The following RTTN variants were observed in gnomAD, a reference collection of about 807,000 sequenced individuals.
RTTN encodes rotatin.
Under a neutral mutation model 269.2 loss-of-function variants are expected in RTTN, and 182 were observed. The observed-to-expected ratio is 0.68, with a 90% CI of 0.60 to 0.76. The LOEUF (loss-of-function observed/expected upper bound fraction) is 0.76, where lower values mean the gene tolerates loss of function less well. Among genes scored for constraint, RTTN ranks in the 30% least tolerant of loss-of-function variants. The pLI, the probability that RTTN is intolerant of heterozygous loss-of-function variation, is 0.00. For missense variants in RTTN, 2,545 were observed against 2,608.6 expected, an observed-to-expected ratio of 0.98 and a Z score of 0.53; for synonymous variants, 1,006 against 963.5, an observed-to-expected ratio of 1.04 and a Z score of -0.82.
chr18:70,204,174 A>G lies in RTTN; in HGVS notation c.309T>C (p.Ala103=), dbSNP rs554154376. Residue 103 remains alanine, a synonymous_variant, in exon 3 of 49, where the codon GCT becomes GCC. Transcript: ENST00000640769. ...GTCCATCCAGAATGCCATCAATTTC[A>G]GCCTGCAGATTTGGCTCCACATTAG... The part of the protein sequence containing the change: ...LRSNVEPNLQ[A]EIDGILDGLF... 9.5e-5 allele frequency: 153 copies of G among 1,614,136 alleles called. 2 individuals are homozygous for G. The highest frequency in any genetic ancestry group is 5.8e-4 in the South Asian group (53 of 91,084).
Position 70,030,897 on chromosome 18 carries a change from C to T in RTTN, c.5626G>A (p.Ala1876Thr), listed in dbSNP as rs763809812. Residue 1876 changes from alanine to threonine, a missense_variant, in exon 41 of 49, where the codon GCA (alanine) becomes ACA (threonine). Ala to Thr is a moderately conservative substitution (Grantham distance 58). Coordinates refer to ENST00000640769, the MANE Select transcript of RTTN (RefSeq NM_173630.4). ...LMSLLAVSRR[A>T]QKHALKANLI... is the part of the protein sequence containing the mutation. Reference sequence around the variant, plus strand: ...TCACCTTTCAAAGCATGTTTCTGTGCTCTTCTACTGACAGCCAGCAGTGAC... The same window carrying T: ...TCACCTTTCAAAGCATGTTTCTGTGTTCTTCTACTGACAGCCAGCAGTGAC... 8 of 1,613,272 alleles carry T rather than the reference C, an allele frequency of 5.0e-6. No homozygotes were observed. In the Admixed American group the frequency reaches 1.3e-4, roughly 27 times the overall value.
rs567710390 is a variant in RTTN, at chr18:70,144,164, C to A, written c.2481+1448G>T. Among the ~76,000 whole-genome samples the A allele has an allele frequency of 5.2e-4, 79 of 152,198 alleles. 4 individuals are homozygous for A. The South Asian group carries it at 0.016, about 31-fold the overall frequency. ...GCCCGGCCCCTCTCTTCTTAATATA[C>A]ATTTTTGCTAGGAAGTTATTCATAA... On this transcript the variant is annotated intron_variant, in intron 18 of 48. Transcript: ENST00000640769.
chr18:70,109,700 A>G lies in RTTN; in HGVS notation c.3701T>C (p.Leu1234Pro), dbSNP rs1017327751. ...EVTDRKCSELLYVFQTQLALK... is the reference protein window; with the variant it reads ...EVTDRKCSELPYVFQTQLALK... ...AGCCAGCTGCGTTTGAAAAACGTAAAGAAGTTCCGAGCATTTCCTATGTAT... is the reference window on the plus strand; with the variant it reads ...AGCCAGCTGCGTTTGAAAAACGTAAGGAAGTTCCGAGCATTTCCTATGTAT... Residue 1234 changes from leucine to proline, a missense_variant, in exon 28 of 49, where the codon CTT (leucine) becomes CCT (proline). Physicochemically the swap from Leu to Pro is moderately conservative, Grantham distance 98. Coordinates refer to ENST00000640769, the MANE Select transcript of RTTN (RefSeq NM_173630.4). 5.0e-6 allele frequency: 8 copies of G among 1,614,050 alleles called. No homozygotes were observed. In the African/African-American group the frequency reaches 9.3e-5, roughly 19 times the overall value.
At position 70,086,734 on chromosome 18, in the gene RTTN, G is replaced by A. The variant is rs547433762; in HGVS notation, c.4303-50C>T. The stretch of plus-strand genomic sequence containing the variant: ...AAAAAAAAAAAAAAAAAAAAAAAAA[G>A]GTCAATACTGCCATCTTGTGGTCAT... On this transcript the variant is annotated intron_variant, in intron 31 of 48. Coordinates refer to ENST00000640769, the MANE Select transcript of RTTN (RefSeq NM_173630.4). 5.1e-3 allele frequency: 6,216 copies of A among 1,218,630 alleles called. 57 individuals carry two copies. The highest frequency in any genetic ancestry group is 0.019 in the South Asian group (1,282 of 68,850). 75.5% of individuals were successfully genotyped at this position (1,218,630 alleles called of 1,614,324 possible).
At chr18:70,163,722 A>T (rs2060908910) in intron 14 of RTTN, among the ~76,000 whole-genome samples, 1 of 152,196 alleles carries the variant, frequency 6.6e-6, no homozygotes, top group Non-Finnish European at 1.5e-5. Flanking sequence ...TTTCCAGTTG[A>T]GCATCCCTAA....
intron 40 of RTTN, among the ~76,000 whole-genome samples, chr18:70,045,515 G>A (rs1735331834): frequency 6.6e-6 from 1 of 152,168 alleles, no homozygotes; most frequent in African/African-American, 2.4e-5. Flanking sequence ...TGGACATATA[G>A]TAAGCTACAT....
At chr18:70,128,968 G>C (rs2059932939) in intron 23 of RTTN, 1 of 155,692 alleles carries the variant, frequency 6.4e-6, no homozygotes, top group South Asian at 1.9e-4. Context: ...TTTTACAAAT[G>C]ATCAAAAATG....
chr18:70,028,703 TTGAAAAGTAGTTCTAC>T lies in RTTN; in HGVS notation c.5823+5_5823+20del, dbSNP rs1192455464. ...TAATACCAGTACTCCTATTAAAATT[TTGAAAAGTAGTTCTAC>T]TTACTTTACATTCCTCATTTTGATA... On this transcript the variant is annotated splice_donor_5th_base_variant and intron_variant, in intron 43 of 48. Coordinates refer to ENST00000640769, the MANE Select transcript of RTTN (RefSeq NM_173630.4). 8.5e-6 allele frequency: 13 copies of T among 1,523,874 alleles called. No homozygotes were observed. Among genetic ancestry groups the T allele is most frequent in the Non-Finnish European group, 1.2e-5 (13 of 1,105,230 alleles). 94.4% of individuals were successfully genotyped at this position (1,523,874 alleles called of 1,614,324 possible). A position where few individuals can be genotyped will look rare whatever the true frequency, so the allele number is the denominator to read the frequency against.
In RTTN at chr18:70,134,506, G is replaced by C; in HGVS notation, c.2921C>G (p.Ser974Trp). ...AACGGAAACAGGCAAACTGAAGACCGATGGCAAAGAAGGTTTATTGGAAGG... is the reference window on the plus strand; with the variant it reads ...AACGGAAACAGGCAAACTGAAGACCCATGGCAAAGAAGGTTTATTGGAAGG... ...VNPSNKPSLP[S>W]VFSLPVSVFR... is the part of the protein sequence containing the mutation. The change falls in exon 23 of 49, where the codon TCG becomes TGG. Residue 974 changes from serine (S) to tryptophan (W), a missense_variant. Physicochemically the swap from Ser to Trp is radical, Grantham distance 177. Transcript: ENST00000640769. 1 of 1,609,930 alleles carries C rather than the reference G, an allele frequency of 6.2e-7. No homozygotes were observed. The highest frequency in any genetic ancestry group is 1.1e-5 in the South Asian group (1 of 90,408).
At chr18:70,058,973 G>T (rs2057899984) in intron 36 of RTTN, among the ~76,000 whole-genome samples, 1 of 152,090 alleles carries the variant, frequency 6.6e-6, no homozygotes, top group Non-Finnish European at 1.5e-5. Flanking sequence ...CTATGATTTG[G>T]CAAGAAGATG....
At chr18:70,077,187 A>G (rs1045771218) in intron 32 of RTTN, among the ~76,000 whole-genome samples, 24 of 151,984 alleles carry the variant, frequency 1.6e-4, no homozygotes, top group African/African-American at 5.8e-4. Context: ...TATATTTTAT[A>G]ATGATACAAA....
intron 17 of RTTN, among the ~76,000 whole-genome samples, chr18:70,147,328 A>C (rs1315720401): frequency 6.6e-6 from 1 of 152,170 alleles, no homozygotes; most frequent in Non-Finnish European, 1.5e-5. Flanking sequence ...ACTGTGTTAC[A>C]ACTGCATATG....
intron 38 of RTTN, among the ~76,000 whole-genome samples, chr18:70,052,056 C>T (rs897980849): frequency 5.3e-5 from 8 of 152,122 alleles, no homozygotes; most frequent in Non-Finnish European, 8.8e-5. Flanking sequence ...AAAAGTATGA[C>T]GCAAAAGAAG....
At chr18:70,012,167 T>C (rs2056399235) in intron 46 of RTTN, among the ~76,000 whole-genome samples, 2 of 146,924 alleles carry the variant, frequency 1.4e-5, no homozygotes, top group Non-Finnish European at 1.5e-5. Flanking sequence ...CTCACTGGTA[T>C]TGGTTAGAGG....
intron 43 of RTTN, among the ~76,000 whole-genome samples, chr18:70,027,542 G>T (rs2056888405): frequency 6.6e-6 from 1 of 152,106 alleles, no homozygotes; most frequent in African/African-American, 2.4e-5. Flanking sequence ...AATCTTTATA[G>T]GTAGATCCCA....
chr18:70,203,542 T>C (rs993294317), intron 3 of RTTN, among the ~76,000 whole-genome samples: 4 of 152,162 alleles, frequency 2.6e-5, no homozygotes, highest in African/African-American at 7.2e-5. Flanking sequence ...AACTGAAGCC[T>C]GGAAGGGTTA....
At chr18:70,072,275 C>T (rs906726638) in intron 34 of RTTN, among the ~76,000 whole-genome samples, 6 of 151,926 alleles carry the variant, frequency 3.9e-5, no homozygotes, top group Non-Finnish European at 8.8e-5. Context: ...ATACACTAGC[C>T]TTTAGAGAAA....
At chr18:70,126,555 G>A (rs2059870291) in intron 25 of RTTN, among the ~76,000 whole-genome samples, 1 of 152,118 alleles carries the variant, frequency 6.6e-6, no homozygotes, top group African/African-American at 2.4e-5. Flanking sequence ...TACCCCTGTA[G>A]TGCATATGTA....
At chr18:70,029,043 A>T (rs1599168173) in intron 42 of RTTN, among the ~76,000 whole-genome samples, 1 of 152,060 alleles carries the variant, frequency 6.6e-6, no homozygotes. Flanking sequence ...ACTCGGATAT[A>T]TGATAGCCTC....
Sources: allele counts gnomAD v4.1 joint callset (sites outside exome capture counted in the v4.1 genomes callset), GRCh38; gene constraint gnomAD v4.1.1; transcripts MANE v1.5; gene names NCBI Gene and HGNC (gene_info 2026-07-23, HGNC 2026-07-21).